Variants in MEIS1 observed in about 807,000 individuals in gnomAD.
MEIS1 encodes the protein homeobox protein Meis1.
MEIS1 carries 5 observed loss-of-function variants against 50.8 expected under a neutral mutation model. That is an observed-to-expected ratio of 0.10 (90% confidence interval 0.05 to 0.21). The LOEUF (loss-of-function observed/expected upper bound fraction) is 0.21. MEIS1 is among the 10% of genes least tolerant of loss of function. The pLI is 1.00. For missense variants in MEIS1, 318 were observed against 517.3 expected, an observed-to-expected ratio of 0.61 and a Z score of 3.74; for synonymous variants, 176 against 179.3, an observed-to-expected ratio of 0.98 and a Z score of 0.15.
chr2:66,502,503 G>T (rs930105776), intron 7 of MEIS1, among the ~76,000 whole-genome samples: 2 of 152,158 alleles, frequency 1.3e-5, no homozygotes, highest in African/African-American at 4.8e-5. Flanking sequence ...AGGTGAGGAG[G>T]CCATCAGTCA....
chr2:66,446,053 G>A (rs1672135430), intron 6 of MEIS1, among the ~76,000 whole-genome samples: 1 of 152,106 alleles, frequency 6.6e-6, no homozygotes, highest in Non-Finnish European at 1.5e-5. Context: ...GGGGAAGCGA[G>A]GGGCGCCAGG....
chr2:66,493,639 C>A (rs894529817), intron 7 of MEIS1, among the ~76,000 whole-genome samples: 2 of 151,956 alleles, frequency 1.3e-5, no homozygotes, highest in Non-Finnish European at 2.9e-5. Context: ...ATAGAATATC[C>A]ACTTATTATG....
At chr2:66,481,208 T>G (rs998817564) in intron 7 of MEIS1, among the ~76,000 whole-genome samples, 2 of 152,168 alleles carry the variant, frequency 1.3e-5, no homozygotes, top group Non-Finnish European at 2.9e-5. Flanking sequence ...ACATTCTTCC[T>G]ACTACTCACT....
rs532721774 is a variant in MEIS1 at position 66,494,363 on chromosome 2, G to A, written c.743-17786G>A. Among the ~76,000 whole-genome samples, 80 of 152,254 alleles carry A rather than the reference G, an allele frequency of 5.3e-4. 1 individual carries two copies. Among genetic ancestry groups the A allele is most frequent in the Admixed American group, 4.8e-3 (73 of 15,296 alleles). On this transcript the variant is annotated intron_variant, in intron 7 of 12. Transcript: ENST00000272369. ...CTTAACTTTTTTTCTGTAGAGAAAC[G>A]AAAGCTGTAAAGGCAAAGGTATTTT...
chr2:66,461,727 T>C (rs1672523035), intron 6 of MEIS1: 2 of 340,616 alleles, frequency 5.9e-6, no homozygotes, highest in Admixed American at 8.6e-5. Context: ...AATGTGGCGA[T>C]AGCTGTGAGA....
At chr2:66,566,594 C>T (rs969389258) in intron 9 of MEIS1, among the ~76,000 whole-genome samples, 4 of 26,864 alleles carry the variant, frequency 1.5e-4, no homozygotes, top group Admixed American at 7.9e-4. Flanking sequence ...CTCTGGAGAG[C>T]GTATATTAAT....
intron 3 of MEIS1, 95 bp downstream of exon 3, chr2:66,440,079 A>C: frequency 1.8e-6 from 2 of 1,086,310 alleles, no homozygotes; most frequent in Non-Finnish European, 2.6e-6. Context: ...ACACACACAC[A>C]CACACACACA....
chr2:66,458,867 C>A (rs1213842677), intron 6 of MEIS1, among the ~76,000 whole-genome samples: 1 of 152,114 alleles, frequency 6.6e-6, no homozygotes, highest in African/African-American at 2.4e-5. Flanking sequence ...TGCCAGGTGA[C>A]AATTTAACAA....
intron 6 of MEIS1, chr2:66,445,052 A>C (rs1672095025): frequency 6.6e-6 from 1 of 152,150 alleles, no homozygotes; most frequent in East Asian, 1.9e-4. Flanking sequence ...CCTTCCCTAA[A>C]CTTTTGTTAC....
chr2:66,571,033 T>TCAGGCG (rs1675474185), intron 12 of MEIS1: 1 of 543,258 alleles, frequency 1.8e-6, no homozygotes, highest in Non-Finnish European at 3.2e-6. Flanking sequence ...CTGATAACAG[T>TCAGGCG]GACAATGAAA....
chr2:66,473,809 A>C (rs1273284861), intron 7 of MEIS1, among the ~76,000 whole-genome samples: 1 of 152,008 alleles, frequency 6.6e-6, no homozygotes, highest in Non-Finnish European at 1.5e-5. Context: ...GGGTTTGGGG[A>C]TGTATAGCCA....
chr2:66,439,552 C>T, intron 2 of MEIS1: 3 of 1,511,954 alleles, frequency 2.0e-6, no homozygotes, highest in South Asian at 1.2e-5. Flanking sequence ...CTGCTGGAAA[C>T]GCTTGGGTTT....
At chr2:66,497,700 G>T (rs997970153) in intron 7 of MEIS1, among the ~76,000 whole-genome samples, 4 of 152,138 alleles carry the variant, frequency 2.6e-5, no homozygotes, top group Admixed American at 6.5e-5. Context: ...TTCGAGAGCA[G>T]CCCAGGCAAC....
chr2:66,509,603 C>A (rs1441897773), intron 7 of MEIS1, among the ~76,000 whole-genome samples: 1 of 152,182 alleles, frequency 6.6e-6, no homozygotes, highest in Non-Finnish European at 1.5e-5. Context: ...AAAGGTTTCT[C>A]CATTGTATCT....
chr2:66,467,906 TACA>T (rs1399586869), intron 7 of MEIS1, among the ~76,000 whole-genome samples: 1 of 152,228 alleles, frequency 6.6e-6, no homozygotes, highest in African/African-American at 2.4e-5. Flanking sequence ...TTGCTGTTGC[TACA>T]ACATTGATTT....
chr2:66,443,529 C>T (rs926814030), intron 6 of MEIS1: 1 of 166,602 alleles, frequency 6.0e-6, no homozygotes, highest in African/African-American at 2.4e-5. Context: ...CTATTTTCTC[C>T]CTGTCTGTAC....
Position 66,438,013 on chromosome 2 carries a change from CTTT to C in MEIS1, c.239+51_239+53del, listed in dbSNP as rs1284515194. 2.0e-6 allele frequency: 3 copies of C among 1,469,614 alleles called. No individual in the cohort carries two copies. In the South Asian group the frequency reaches 3.8e-5, roughly 19 times the overall value. 91.0% of individuals were successfully genotyped at this position (1,469,614 alleles called of 1,614,324 possible). ...AGTAGTTGAGACTCAACGCTTCCCT[CTTT>C]CTCTGTGCCCTTGGTAAGAGGAAAG... On this transcript the variant is annotated intron_variant, in intron 2 of 12. Transcript: ENST00000272369.
intron 7 of MEIS1, among the ~76,000 whole-genome samples, chr2:66,473,818 C>T (rs1237045528): frequency 3.3e-5 from 5 of 152,062 alleles, no homozygotes; most frequent in East Asian, 1.9e-4. Flanking sequence ...GATGTATAGC[C>T]ATCCCTTGGT....
Position 66,571,974 on chromosome 2 carries a change from T to C in MEIS1, c.*766T>C, listed in dbSNP as rs1201270652. ...CTATCAGGCAGAAGAATCTTTCTTC[T>C]CGCCTAGGATTTCAGCCATGCGCGC... On this transcript the variant is annotated 3_prime_UTR_variant, in exon 13 of 13. Transcript: ENST00000272369. The C allele has an allele frequency of 5.8e-6, 1 of 173,244 alleles. No individual in the cohort carries two copies. Among genetic ancestry groups the C allele is most frequent in the Non-Finnish European group, 1.2e-5 (1 of 83,722 alleles). The allele number at this position is 173,244 out of a possible 1,614,324, so 10.7% of individuals were successfully genotyped here. A position where few individuals can be genotyped will look rare whatever the true frequency, so the allele number is the denominator to read the frequency against.
Sources: allele counts gnomAD v4.1 joint callset (sites outside exome capture counted in the v4.1 genomes callset), GRCh38; gene constraint gnomAD v4.1.1; transcripts MANE v1.5; gene names NCBI Gene and HGNC (gene_info 2026-07-23, HGNC 2026-07-21).